The following CAST variants were observed in gnomAD, a reference collection of about 807,000 sequenced individuals.
CAST encodes the protein MIR583 host.
A neutral mutation model predicts 119.6 loss-of-function variants in CAST; 76 were observed. That is an observed-to-expected ratio of 0.64 (90% confidence interval 0.53 to 0.77). The LOEUF is 0.77. CAST is among the 30% of genes least tolerant of loss of function. The pLI, the probability that CAST is intolerant of heterozygous loss-of-function variation, is 0.00. For synonymous variants in CAST, 319 were observed against 331.6 expected (o/e 0.96, Z 0.41); for missense variants, 953 against 946.5 (o/e 1.01, Z -0.09).
the CAST span, among the ~76,000 whole-genome samples, chr5:96,179,336 C>T: frequency 6.6e-6 from 1 of 152,108 alleles, no homozygotes; most frequent in South Asian, 2.1e-4. Context: ...TCTTGAATGC[C>T]CTCTCTCTGT....
the CAST span, among the ~76,000 whole-genome samples, chr5:96,036,838 C>A: frequency 6.6e-6 from 1 of 151,936 alleles, no homozygotes. Flanking sequence ...TAAACCCAAG[C>A]CAAGTCAAAT....
the CAST span, chr5:96,431,986 C>A: frequency 1.2e-6 from 1 of 821,870 alleles, no homozygotes; most frequent in South Asian, 1.4e-5. Flanking sequence ...CACTTAATGT[C>A]TTGACGCCCA....
At chr5:96,452,342 C>T in the CAST span, among the ~76,000 whole-genome samples, 14 of 152,030 alleles carry the variant, frequency 9.2e-5, no homozygotes, top group South Asian at 1.0e-3. Flanking sequence ...TCCTTTTTCA[C>T]GGACATGGAT....
the CAST span, among the ~76,000 whole-genome samples, chr5:96,429,026 AC>A: frequency 6.6e-6 from 1 of 152,144 alleles, no homozygotes. Flanking sequence ...AACCAATTCA[AC>A]CCAATCTTGT....
chr5:96,563,639 A>T (rs1337801224), intron 1 of CAST, among the ~76,000 whole-genome samples: 2 of 140,324 alleles, frequency 1.4e-5, no homozygotes, highest in Non-Finnish European at 3.1e-5. Flanking sequence ...ACCATATTAC[A>T]TGTATTACTT....
chr5:96,292,970 T>C, the CAST span, among the ~76,000 whole-genome samples: 29 of 152,204 alleles, frequency 1.9e-4, no homozygotes, highest in African/African-American at 6.5e-4. Flanking sequence ...TCTCCACAAA[T>C]AGTTGTTGAA....
intron 1 of CAST, among the ~76,000 whole-genome samples, chr5:96,530,784 G>A (rs371455688): frequency 1.3e-5 from 2 of 152,140 alleles, no homozygotes; most frequent in East Asian, 3.9e-4. Flanking sequence ...GCAAAAAATA[G>A]CAACTTTTTT....
At chr5:96,479,580 G>A in the CAST span, among the ~76,000 whole-genome samples, 10 of 151,688 alleles carry the variant, frequency 6.6e-5, no homozygotes, top group Non-Finnish European at 1.5e-4. Context: ...CTCCCCAGTA[G>A]CTGGGAGTAT....
At chr5:96,160,156 T>A in the CAST span, among the ~76,000 whole-genome samples, 92 of 150,718 alleles carry the variant, frequency 6.1e-4, no homozygotes, top group Non-Finnish European at 7.8e-4. Context: ...AAAAAAAAAA[T>A]GTAAATGGCC....
At chr5:96,579,916 C>T (rs528733974) in intron 1 of CAST, among the ~76,000 whole-genome samples, 104 of 152,306 alleles carry the variant, frequency 6.8e-4, no homozygotes, top group African/African-American at 2.4e-3. Context: ...GCACCGCTGC[C>T]GTGGGGCAAT....
chr5:96,558,783 G>T (rs904847451), intron 1 of CAST, among the ~76,000 whole-genome samples: 2 of 152,202 alleles, frequency 1.3e-5, no homozygotes, highest in Non-Finnish European at 2.9e-5. Flanking sequence ...GAGCTATGAG[G>T]AGGAGCTAGT....
intron 1 of CAST, among the ~76,000 whole-genome samples, chr5:96,669,777 CAG>C: frequency 6.6e-6 from 1 of 152,186 alleles, no homozygotes; most frequent in Non-Finnish European, 1.5e-5. Context: ...GGTGCCGACT[CAG>C]TGGGATGGTT....
intron 25 of CAST, among the ~76,000 whole-genome samples, chr5:96,763,481 C>T (rs1768740123): frequency 6.6e-6 from 1 of 152,166 alleles, no homozygotes; most frequent in African/African-American, 2.4e-5. Context: ...ATATTCAGGC[C>T]AGAGATTCTG....
chr5:96,099,082 G>A, the CAST span, among the ~76,000 whole-genome samples: 1 of 152,080 alleles, frequency 6.6e-6, no homozygotes, highest in Admixed American at 6.6e-5. Context: ...TCTTTTTGTG[G>A]CAATTGTGAA....
the CAST span, among the ~76,000 whole-genome samples, chr5:96,054,994 A>T: frequency 6.6e-6 from 1 of 152,208 alleles, no homozygotes; most frequent in Non-Finnish European, 1.5e-5. Context: ...ACAGCAAAGT[A>T]CCTCACAAAC....
chr5:96,611,011 C>T (rs1021548730), intron 1 of CAST, among the ~76,000 whole-genome samples: 6 of 151,992 alleles, frequency 3.9e-5, no homozygotes, highest in African/African-American at 1.4e-4. Flanking sequence ...AAAACAGTGA[C>T]GGAAGAAATC....
At chr5:96,517,940 C>G in the CAST span, among the ~76,000 whole-genome samples, 1 of 152,200 alleles carries the variant, frequency 6.6e-6, no homozygotes, top group Non-Finnish European at 1.5e-5. Flanking sequence ...CTGAACAACA[C>G]TTATAAGGTA....
At chr5:96,665,777 C>T (rs1454526503) in intron 1 of CAST, among the ~76,000 whole-genome samples, 2 of 151,560 alleles carry the variant, frequency 1.3e-5, no homozygotes, top group African/African-American at 4.9e-5. Flanking sequence ...TACACACATA[C>T]AAACATATAC....
chr5:96,713,399 G>A (rs1463781689), intron 3 of CAST, among the ~76,000 whole-genome samples: 1 of 151,996 alleles, frequency 6.6e-6, no homozygotes, highest in Non-Finnish European at 1.5e-5. Flanking sequence ...CCGAAGTGCT[G>A]GGATTGCAGG....
Sources: allele counts gnomAD v4.1 joint callset (sites outside exome capture counted in the v4.1 genomes callset), GRCh38; gene constraint gnomAD v4.1.1; transcripts MANE v1.5; gene names NCBI Gene and HGNC (gene_info 2026-07-23, HGNC 2026-07-21).